The following SORCS3 variants were observed in gnomAD, a reference collection of about 807,000 sequenced individuals.
SORCS3 encodes the protein VPS10 domain-containing receptor SorCS3.
SORCS3 carries 57 observed loss-of-function variants against 146.3 expected under a neutral mutation model. That is an observed-to-expected ratio of 0.39 (90% confidence interval 0.31 to 0.49). SORCS3 has a LOEUF of 0.49. Ranked by LOEUF, SORCS3 falls within the 20% of genes least tolerant of loss-of-function variation. The pLI is 0.92. For missense variants in SORCS3, 1,341 were observed against 1,575.5 expected (o/e 0.85, Z 2.52); for synonymous variants, 653 against 618.5 (o/e 1.06, Z -0.83).
At chr10:104,932,273 C>G (rs1042334404) in intron 3 of SORCS3, among the ~76,000 whole-genome samples, 1 of 152,226 alleles carries the variant, frequency 6.6e-6, no homozygotes, top group African/African-American at 2.4e-5. Context: ...CCCTACCACT[C>G]TCTTCTCTGA....
At chr10:104,899,054 A>G (rs2018825957) in intron 2 of SORCS3, among the ~76,000 whole-genome samples, 1 of 152,178 alleles carries the variant, frequency 6.6e-6, no homozygotes, top group African/African-American at 2.4e-5. Flanking sequence ...GTGTTTTTCT[A>G]GCATCTAGCA....
At chr10:105,107,780 C>A (rs1454546619) in intron 7 of SORCS3, among the ~76,000 whole-genome samples, 1 of 151,992 alleles carries the variant, frequency 6.6e-6, no homozygotes, top group Non-Finnish European at 1.5e-5. Context: ...TGTAAACATC[C>A]ATATATACAT....
At chr10:105,201,287 C>A in intron 16 of SORCS3, 34 bp downstream of exon 16, 1 of 1,592,558 alleles carries the variant, frequency 6.3e-7, no homozygotes, top group Non-Finnish European at 8.5e-7. Context: ...CCAATTCCAA[C>A]CAGGTCTTCA....
intron 5 of SORCS3, among the ~76,000 whole-genome samples, chr10:105,057,626 A>G (rs753228371): frequency 1.3e-5 from 2 of 152,160 alleles, no homozygotes; most frequent in African/African-American, 4.8e-5. Context: ...GTGCTAATGC[A>G]CTGGATTGGA....
At chr10:105,110,147 CT>C (rs1458014764) in intron 7 of SORCS3, among the ~76,000 whole-genome samples, 1 of 151,324 alleles carries the variant, frequency 6.6e-6, no homozygotes, top group Non-Finnish European at 1.5e-5. Context: ...GCTCTTTTTG[CT>C]TTATTGCTTT....
chr10:104,907,612 C>T (rs938959040), intron 2 of SORCS3, among the ~76,000 whole-genome samples: 6 of 152,246 alleles, frequency 3.9e-5, no homozygotes, highest in Middle Eastern at 3.4e-3. Flanking sequence ...TCCAATTTTC[C>T]GCATTTAGAA....
chr10:105,247,446 C>A, intron 22 of SORCS3, 115 bp downstream of exon 22: 1 of 568,734 alleles, frequency 1.8e-6, no homozygotes, highest in East Asian at 3.1e-5. Context: ...AAGATTATTT[C>A]TCTGTAAAAA....
chr10:105,045,021 G>GAAAAAAA (rs35904016), intron 5 of SORCS3, among the ~76,000 whole-genome samples: 3 of 118,008 alleles, frequency 2.5e-5, no homozygotes, highest in African/African-American at 1.0e-4. Context: ...TCCAGAATTC[G>GAAAAAAA]AAAAAAAAAA....
chr10:105,155,920 C>G (rs989637836), intron 9 of SORCS3, among the ~76,000 whole-genome samples: 5 of 152,172 alleles, frequency 3.3e-5, no homozygotes, highest in Admixed American at 3.3e-4. Context: ...TTTGGGCTGG[C>G]ATTCTCTTTC....
At chr10:105,191,830 T>C (rs1390937797) in intron 14 of SORCS3, among the ~76,000 whole-genome samples, 1 of 152,084 alleles carries the variant, frequency 6.6e-6, no homozygotes, top group African/African-American at 2.4e-5. Context: ...GGAGACAGAG[T>C]TCAGGCAGTA....
intron 20 of SORCS3, among the ~76,000 whole-genome samples, chr10:105,230,354 C>T (rs944619055): frequency 3.3e-5 from 5 of 152,030 alleles, no homozygotes; most frequent in African/African-American, 9.7e-5. Flanking sequence ...TATGCTGCTG[C>T]CCTGCTACTG....
At chr10:104,853,986 G>T (rs927052801) in intron 2 of SORCS3, among the ~76,000 whole-genome samples, 1 of 152,192 alleles carries the variant, frequency 6.6e-6, no homozygotes, top group African/African-American at 2.4e-5. Context: ...CGTGCTGTCA[G>T]TGGGCAAAAG....
intron 25 of SORCS3, among the ~76,000 whole-genome samples, chr10:105,260,230 T>G (rs530204027): frequency 6.6e-6 from 1 of 152,172 alleles, no homozygotes; most frequent in Admixed American, 6.5e-5. Context: ...GGGGAGGCAG[T>G]TGACTCTGGT....
At chr10:105,092,986 GA>G in intron 6 of SORCS3, among the ~76,000 whole-genome samples, 1 of 152,178 alleles carries the variant, frequency 6.6e-6, no homozygotes, top group South Asian at 2.1e-4. Context: ...AATAAAGCAA[GA>G]AAAATGAAAT....
intron 3 of SORCS3, among the ~76,000 whole-genome samples, chr10:104,973,150 A>C (rs1051042720): frequency 5.9e-5 from 9 of 152,242 alleles, no homozygotes; most frequent in African/African-American, 2.2e-4. Flanking sequence ...ATTGGTCTAA[A>C]ATTCTCTTTT....
At position 105,263,577 on chromosome 10, in the gene SORCS3, A is replaced by C; in HGVS notation, c.*203A>C. 1.8e-6 allele frequency: 1 copy of C among 560,596 alleles called. No individual in the cohort carries two copies. The highest frequency in any genetic ancestry group is 3.0e-5 in the Admixed American group (1 of 32,808). 34.7% of individuals were successfully genotyped at this position (560,596 alleles called of 1,614,324 possible). ...TGAGACAAAGGGAATAAATGGCTGT[A>C]TTTGTGCTAAGAGCAAAGGATGCAT... On this transcript the variant is annotated 3_prime_UTR_variant, in exon 27 of 27. Coordinates refer to ENST00000369701, the MANE Select transcript of SORCS3 (RefSeq NM_014978.3).
chr10:105,125,858 G>A (rs542161407), intron 7 of SORCS3, among the ~76,000 whole-genome samples: 10 of 152,206 alleles, frequency 6.6e-5, no homozygotes, highest in Admixed American at 3.9e-4. Flanking sequence ...ACCTCACATC[G>A]TGAGTGTGGC....
chr10:105,247,353 T>C, intron 22 of SORCS3, 22 bp downstream of exon 22: 1 of 1,407,636 alleles, frequency 7.1e-7, no homozygotes, highest in Non-Finnish European at 1.0e-6. Context: ...TTGTCTTTTT[T>C]TAAGTTCTTG....
intron 1 of SORCS3, among the ~76,000 whole-genome samples, chr10:104,736,506 T>C (rs2016774575): frequency 6.6e-6 from 1 of 152,230 alleles, no homozygotes; most frequent in Non-Finnish European, 1.5e-5. Context: ...CTGTCAAGAT[T>C]TAGAAGTATA....
Sources: gnomAD v4.1 joint callset for allele counts (sites outside exome capture counted in the v4.1 genomes callset) on GRCh38, gnomAD v4.1.1 for gene constraint, MANE v1.5 for transcripts, NCBI Gene and HGNC (gene_info 2026-07-23, HGNC 2026-07-21) for gene names.